EDIL3: variants seen among roughly 807,000 people sequenced by gnomAD.
EDIL3 encodes EGF like and discoidin domains 3, also known as EGF-like repeat and discoidin I-like domain-containing protein 3.
In EDIL3, 37 loss-of-function variants were observed where a neutral mutation model predicts 67.4. That is an observed-to-expected ratio of 0.55 (90% confidence interval 0.42 to 0.72). The LOEUF is 0.72. Ranked by LOEUF, EDIL3 falls within the 30% of genes least tolerant of loss-of-function variation. The pLI is 0.00. For synonymous variants in EDIL3, 195 were observed against 196.3 expected (o/e 0.99, Z 0.05); for missense variants, 527 against 586.3 (o/e 0.90, Z 1.04).
At chr5:84,204,339 A>G (rs1405901767) in intron 3 of EDIL3, among the ~76,000 whole-genome samples, 2 of 152,120 alleles carry the variant, frequency 1.3e-5, no homozygotes, top group Non-Finnish European at 2.9e-5. Context: ...TATTTTGAAC[A>G]TTGTCTACTC....
At chr5:84,195,963 G>A (rs997448417) in intron 3 of EDIL3, among the ~76,000 whole-genome samples, 21 of 151,950 alleles carry the variant, frequency 1.4e-4, no homozygotes, top group African/African-American at 4.8e-4. Flanking sequence ...AAAAAGTGCA[G>A]TCTTTGATTC....
chr5:84,288,490 T>C (rs969033138), intron 1 of EDIL3, among the ~76,000 whole-genome samples: 1 of 152,156 alleles, frequency 6.6e-6, no homozygotes, highest in Non-Finnish European at 1.5e-5. Context: ...GCAGGGAGTA[T>C]AATGCAGGCC....
rs77754564 is a variant in EDIL3 at position 84,296,757 on chromosome 5, C to T, written c.68-42545G>A. On this transcript the variant is annotated intron_variant, in intron 1 of 10. Coordinates refer to ENST00000296591, the MANE Select transcript of EDIL3 (RefSeq NM_005711.5). ...CATGCCTATGTCCTGAATGGTATTG[C>T]TTAGAGCAAAAGAAGCCATCATTAG... Among the ~76,000 whole-genome samples the T allele has an allele frequency of 4.6e-3, 701 of 152,262 alleles. 4 individuals are homozygous for T. Among genetic ancestry groups the T allele is most frequent in the African/African-American group, 0.016 (669 of 41,548 alleles).
intron 9 of EDIL3, among the ~76,000 whole-genome samples, chr5:83,964,439 T>A (rs568372705): frequency 8.6e-4 from 131 of 151,972 alleles, no homozygotes; most frequent in Non-Finnish European, 1.6e-3. Context: ...CATGATCCCA[T>A]GTGTGATCTT....
At chr5:84,006,227 T>C (rs1745412883) in intron 9 of EDIL3, among the ~76,000 whole-genome samples, 2 of 151,768 alleles carry the variant, frequency 1.3e-5, no homozygotes, top group African/African-American at 4.8e-5. Context: ...TGCTCAAGAA[T>C]AGGAAGAATA....
At chr5:84,257,951 C>T (rs1451965056) in intron 1 of EDIL3, among the ~76,000 whole-genome samples, 2 of 151,964 alleles carry the variant, frequency 1.3e-5, no homozygotes, top group Admixed American at 6.6e-5. Context: ...CATTGTAGCC[C>T]GGTATAAATG....
chr5:84,032,743 T>A (rs947496022), intron 9 of EDIL3, among the ~76,000 whole-genome samples: 1 of 152,230 alleles, frequency 6.6e-6, no homozygotes, highest in African/African-American at 2.4e-5. Flanking sequence ...TGATTACTAA[T>A]GGGACTTTTT....
At chr5:83,962,948 A>T (rs1026681879) in intron 10 of EDIL3, among the ~76,000 whole-genome samples, 4 of 151,528 alleles carry the variant, frequency 2.6e-5, no homozygotes, top group African/African-American at 9.7e-5. Flanking sequence ...GGTGAATCTT[A>T]GATAGTCAGA....
chr5:84,302,421 C>G (rs1255678875), intron 1 of EDIL3, among the ~76,000 whole-genome samples: 1 of 152,084 alleles, frequency 6.6e-6, no homozygotes, highest in Non-Finnish European at 1.5e-5. Flanking sequence ...CTCAGTCTCT[C>G]GAGTAGCTGG....
chr5:84,197,466 T>C (rs967621684), intron 3 of EDIL3, among the ~76,000 whole-genome samples: 8 of 151,880 alleles, frequency 5.3e-5, no homozygotes, highest in Admixed American at 3.3e-4. Flanking sequence ...ATGGAGACCA[T>C]CTGGCCAACA....
rs749759585 is a variant in EDIL3, at chr5:84,314,911, A to G, written c.68-60699T>C. ...CCCAAAAACTATTTAAAATATAAAT[A>G]TTTTTTGAATTTTATTATTTTTATG... On this transcript the variant is annotated intron_variant, in intron 1 of 10. Coordinates refer to ENST00000296591, the MANE Select transcript of EDIL3 (RefSeq NM_005711.5). Among the ~76,000 whole-genome samples the G allele has an allele frequency of 3.3e-5, 5 of 152,232 alleles. No homozygotes were observed. In the East Asian group the frequency reaches 7.7e-4, roughly 24 times the overall value.
chr5:83,948,223 C>G (rs1320173779), intron 10 of EDIL3, among the ~76,000 whole-genome samples: 1 of 151,536 alleles, frequency 6.6e-6, no homozygotes, highest in Non-Finnish European at 1.5e-5. Context: ...ATAAAGCAAC[C>G]ATTTATATAT....
At chr5:84,144,362 A>G (rs1199169527) in intron 4 of EDIL3, among the ~76,000 whole-genome samples, 5 of 150,794 alleles carry the variant, frequency 3.3e-5, no homozygotes, top group African/African-American at 1.2e-4. Flanking sequence ...AGAATGCAAC[A>G]ATTAATATGT....
intron 4 of EDIL3, among the ~76,000 whole-genome samples, chr5:84,167,866 A>G (rs995107338): frequency 1.1e-4 from 17 of 152,194 alleles, no homozygotes; most frequent in African/African-American, 4.1e-4. Context: ...TGCTGTCATT[A>G]TCCAAATAAA....
At chr5:84,167,286 T>C (rs1748724011) in intron 4 of EDIL3, among the ~76,000 whole-genome samples, 1 of 151,982 alleles carries the variant, frequency 6.6e-6, no homozygotes, top group Non-Finnish European at 1.5e-5. Context: ...TATAGATAAC[T>C]CTTCTAAGGA....
chr5:84,322,720 T>C (rs1045732058), intron 1 of EDIL3, among the ~76,000 whole-genome samples: 1 of 152,080 alleles, frequency 6.6e-6, no homozygotes, highest in Non-Finnish European at 1.5e-5. Context: ...AAAAGGTCGA[T>C]GAACTTCAAT....
chr5:83,998,411 T>A (rs993273402), intron 9 of EDIL3, among the ~76,000 whole-genome samples: 2 of 152,050 alleles, frequency 1.3e-5, no homozygotes, highest in African/African-American at 2.4e-5. Flanking sequence ...AAAGAACCCT[T>A]AGGTCTAGAA....
intron 1 of EDIL3, among the ~76,000 whole-genome samples, chr5:84,273,551 C>T (rs973847593): frequency 5.9e-5 from 9 of 152,252 alleles, no homozygotes; most frequent in Non-Finnish European, 1.3e-4. Context: ...TTTTAAAATG[C>T]CTCACACATA....
At chr5:83,969,849 CA>C (rs1744760362) in intron 9 of EDIL3, among the ~76,000 whole-genome samples, 1 of 151,720 alleles carries the variant, frequency 6.6e-6, no homozygotes, top group African/African-American at 2.4e-5. Flanking sequence ...ATGATCAGAT[CA>C]GGGTAATTAT....
Sources: gnomAD v4.1 joint callset for allele counts (sites outside exome capture counted in the v4.1 genomes callset) on GRCh38, gnomAD v4.1.1 for gene constraint, MANE v1.5 for transcripts, NCBI Gene and HGNC (gene_info 2026-07-23, HGNC 2026-07-21) for gene names.